Variants in LMTK2 observed in about 807,000 individuals in gnomAD.
LMTK2 encodes lemur tail kinase 2, also known as serine/threonine-protein kinase LMTK2.
LMTK2 carries 37 observed loss-of-function variants against 127.5 expected under a neutral mutation model. The observed-to-expected ratio is 0.29, with a 90% CI of 0.22 to 0.38. LMTK2 has a LOEUF of 0.38. Among genes scored for constraint, LMTK2 ranks in the 10% least tolerant of loss-of-function variants. The pLI is 1.00. For missense variants in LMTK2, 1,694 were observed against 1,920.3 expected, an observed-to-expected ratio of 0.88 and a Z score of 2.20; for synonymous variants, 819 against 810.1, an observed-to-expected ratio of 1.01 and a Z score of -0.19.
At chr7:98,114,914 C>A (rs1796255666) in intron 1 of LMTK2, among the ~76,000 whole-genome samples, 1 of 152,174 alleles carries the variant, frequency 6.6e-6, no homozygotes, top group South Asian at 2.1e-4. Context: ...CCTGGCCCAG[C>A]CCTTAGAGAT....
chr7:98,120,135 A>C (rs1796341963), intron 1 of LMTK2, among the ~76,000 whole-genome samples: 1 of 152,238 alleles, frequency 6.6e-6, no homozygotes, highest in Non-Finnish European at 1.5e-5. Flanking sequence ...CTCTTGTATT[A>C]GTACAGACTA....
In LMTK2 at chr7:98,204,203, G is replaced by C. The variant is rs1201449794; in HGVS notation, c.4483+17G>C. On this transcript the variant is annotated intron_variant, in intron 13 of 13. Transcript: ENST00000297293. ...AGCAGGGCGGTGAGAGGCGCTGCGTGCTGGGGATTGGGAGTGCAGGGTCGG... is the reference window on the plus strand; with the variant it reads ...AGCAGGGCGGTGAGAGGCGCTGCGTCCTGGGGATTGGGAGTGCAGGGTCGG... The C allele has an allele frequency of 6.3e-7, 1 of 1,593,128 alleles. No homozygotes were observed. Among genetic ancestry groups the C allele is most frequent in the African/African-American group, 1.3e-5 (1 of 74,846 alleles).
At chr7:98,159,285 A>G (rs1489594363) in intron 5 of LMTK2, 53 bp from the exon 6 acceptor site, 3 of 1,165,980 alleles carry the variant, frequency 2.6e-6, no homozygotes, top group African/African-American at 3.1e-5. Flanking sequence ...TGTTTGAATA[A>G]TGTTATTATC....
intron 1 of LMTK2, among the ~76,000 whole-genome samples, chr7:98,114,424 C>T (rs557261939): frequency 6.6e-6 from 1 of 151,560 alleles, no homozygotes; most frequent in African/African-American, 2.4e-5. Flanking sequence ...CATATTTTTT[C>T]TATAGAGATG....
chr7:98,170,246 C>T (rs1348503292), intron 6 of LMTK2, among the ~76,000 whole-genome samples: 9 of 152,160 alleles, frequency 5.9e-5, no homozygotes, highest in Non-Finnish European at 1.5e-5. Flanking sequence ...CCTAACATAA[C>T]GCTTGGCTCA....
At chr7:98,198,249 G>A (rs1797657860) in intron 11 of LMTK2, among the ~76,000 whole-genome samples, 1 of 150,536 alleles carries the variant, frequency 6.6e-6, no homozygotes, top group Non-Finnish European at 1.5e-5. Flanking sequence ...GGAGGGCAGT[G>A]GCGTGATATC....
intron 11 of LMTK2, among the ~76,000 whole-genome samples, chr7:98,201,974 A>T (rs918445446): frequency 6.6e-6 from 1 of 152,134 alleles, no homozygotes; most frequent in Non-Finnish European, 1.5e-5. Context: ...TGTATCTTTC[A>T]CCAAATTTAA....
intron 7 of LMTK2, among the ~76,000 whole-genome samples, chr7:98,182,980 C>CCAGCAT (rs763472977): frequency 2.0e-4 from 30 of 152,172 alleles, no homozygotes; most frequent in Non-Finnish European, 2.1e-4. Context: ...GCACAACTGA[C>CCAGCAT]CAGCATTAAC....
rs762364873 is a variant in LMTK2 at position 98,192,836 on chromosome 7, G to A, written c.2371G>A (p.Gly791Ser). The change falls in exon 11 of 14, where the codon GGT becomes AGT. Residue 791 changes from glycine to serine, a missense_variant. Physicochemically the swap from Gly to Ser is moderately conservative, Grantham distance 56. Transcript: ENST00000297293. ...SLLQENVSTKGDDTDVMLTGD... is the reference protein window; with the variant it reads ...SLLQENVSTKSDDTDVMLTGD... ...GTTGCAGGAAAACGTAAGCACAAAG[G>A]GTGACGATACAGATGTCATGCTCAC... 1 of 1,613,888 alleles carries A rather than the reference G, an allele frequency of 6.2e-7. No homozygotes were observed. Among genetic ancestry groups the A allele is most frequent in the Admixed American group, 1.7e-5 (1 of 59,992 alleles).
At chr7:98,118,143 G>C (rs73710340) in intron 1 of LMTK2, among the ~76,000 whole-genome samples, 2,321 of 152,230 alleles carry the variant, frequency 0.015, 58 homozygotes, top group African/African-American at 0.053. Context: ...GAAGGACTCT[G>C]TCCATGTTTT....
At chr7:98,139,236 C>T (rs112309294) in intron 2 of LMTK2, among the ~76,000 whole-genome samples, 2,884 of 152,236 alleles carry the variant, frequency 0.019, 36 homozygotes, top group Non-Finnish European at 0.03. Context: ...CTTAGCCTCC[C>T]GAGTAGCTAA....
intron 6 of LMTK2, among the ~76,000 whole-genome samples, chr7:98,163,799 A>G: frequency 6.6e-6 from 1 of 152,206 alleles, no homozygotes; most frequent in Non-Finnish European, 1.5e-5. Flanking sequence ...TCAGAGGGGC[A>G]TAACCCAAGG....
At chr7:98,144,801 G>A (rs955401237) in intron 3 of LMTK2, among the ~76,000 whole-genome samples, 10 of 142,986 alleles carry the variant, frequency 7.0e-5, no homozygotes, top group African/African-American at 2.6e-4. Flanking sequence ...TCTGCATCTT[G>A]CTTTTTTTTC....
chr7:98,163,673 A>G (rs562484733), intron 6 of LMTK2, among the ~76,000 whole-genome samples: 4 of 152,292 alleles, frequency 2.6e-5, no homozygotes, highest in East Asian at 3.9e-4. Context: ...CAGAGAGGGC[A>G]TCTACTTGAA....
At chr7:98,169,319 G>C (rs1052764695) in intron 6 of LMTK2, among the ~76,000 whole-genome samples, 3 of 152,188 alleles carry the variant, frequency 2.0e-5, no homozygotes, top group African/African-American at 7.2e-5. Flanking sequence ...TTCTGTCTTT[G>C]AGTGAAATTT....
chr7:98,140,000 G>T (rs768430153), intron 2 of LMTK2, among the ~76,000 whole-genome samples: 2 of 151,952 alleles, frequency 1.3e-5, no homozygotes, highest in Non-Finnish European at 2.9e-5. Context: ...TGGATATCAA[G>T]GTATACCAGT....
At position 98,193,075 on chromosome 7, in the gene LMTK2, C is replaced by T. The variant is rs375223399; in HGVS notation, c.2610C>T (p.Leu870=). 33 of 1,613,870 alleles carry T rather than the reference C, an allele frequency of 2.0e-5. No homozygotes were observed. In the East Asian group the frequency reaches 2.5e-4, roughly 12 times the overall value. Residue 870 remains leucine (L), a synonymous_variant, in exon 11 of 14, where the codon CTC becomes CTT. Transcript: ENST00000297293. This position sits in a 1 kb window ranked among gnomAD's most constrained non-coding sequence, Gnocchi z 4.1. ...PDAVTVPVEI[L]STDARTHSLD... ...CTGTGACTGTCCCGGTTGAAATTCT[C>T]TCAACTGATGCCAGAACCCACAGCC...
At chr7:98,145,021 T>C (rs1796751260) in intron 3 of LMTK2, among the ~76,000 whole-genome samples, 1 of 152,220 alleles carries the variant, frequency 6.6e-6, no homozygotes, top group Non-Finnish European at 1.5e-5. Flanking sequence ...ATCCGTAGAA[T>C]ACATTTCTTA....
chr7:98,121,212 C>T (rs957881467), intron 1 of LMTK2, among the ~76,000 whole-genome samples: 1 of 152,164 alleles, frequency 6.6e-6, no homozygotes, highest in Non-Finnish European at 1.5e-5. Context: ...ACACGGAGAC[C>T]CAACTCCAGC....
Sources: gnomAD v4.1 joint callset for allele counts (sites outside exome capture counted in the v4.1 genomes callset) on GRCh38, gnomAD v4.1.1 for gene constraint, Gnocchi (gnomAD v3.1) non-coding constraint, MANE v1.5 for transcripts, NCBI Gene and HGNC (gene_info 2026-07-23, HGNC 2026-07-21) for gene names.